Variants in CTNNA2 observed in about 807,000 individuals in gnomAD.
CTNNA2 encodes the protein catenin alpha-2.
In CTNNA2, 42 loss-of-function variants were observed where a neutral mutation model predicts 101.0. The ratio of observed to expected loss-of-function variants is 0.42; its 90% CI spans 0.32 to 0.54. The LOEUF is 0.54. Among genes scored for constraint, CTNNA2 ranks in the 20% least tolerant of loss-of-function variants. CTNNA2 has a pLI of 0.14. For synonymous variants in CTNNA2, 450 were observed against 456.4 expected (o/e 0.99, Z 0.18); for missense variants, 871 against 1,223.1 (o/e 0.71, Z 4.29).
intron 12 of CTNNA2, among the ~76,000 whole-genome samples, chr2:80,564,880 A>G (rs1292103263): frequency 6.6e-6 from 1 of 152,190 alleles, no homozygotes; most frequent in Non-Finnish European, 1.5e-5. Flanking sequence ...TTCGAACCTG[A>G]TGTCTCAAGA....
At chr2:79,550,938 T>G (rs997650080) in intron 1 of CTNNA2, among the ~76,000 whole-genome samples, 1 of 152,206 alleles carries the variant, frequency 6.6e-6, no homozygotes, top group Non-Finnish European at 1.5e-5. Flanking sequence ...AACCACAGGT[T>G]CATCACCGAA....
intron 7 of CTNNA2, among the ~76,000 whole-genome samples, chr2:80,125,698 C>T (rs1702071610): frequency 6.6e-6 from 1 of 152,116 alleles, no homozygotes; most frequent in African/African-American, 2.4e-5. Context: ...GAGATGAAAC[C>T]CATTTGCCAT....
intron 9 of CTNNA2, among the ~76,000 whole-genome samples, chr2:80,444,242 T>C (rs1682869128): frequency 6.6e-6 from 1 of 152,156 alleles, no homozygotes; most frequent in Non-Finnish European, 1.5e-5. Flanking sequence ...GAGCACTGCA[T>C]TCACAAGAGG....
rs192226969 is a variant in CTNNA2, at chr2:80,546,233, G to A, written c.1540+170G>A. Among the ~76,000 whole-genome samples, 13 of 152,234 alleles carry A rather than the reference G, an allele frequency of 8.5e-5. No homozygotes were observed. The East Asian group carries it at 2.5e-3, about 29-fold the overall frequency. On this transcript the variant is annotated intron_variant, in intron 11 of 18. Transcript: ENST00000402739. ...ATTATAACACCCTCTTAGATGCTTC[G>A]GTGTTTATGTTATTTCAAGACACGG... is the stretch of plus-strand genomic sequence containing the variant.
At chr2:79,541,938 T>A (rs947965441) in intron 1 of CTNNA2, among the ~76,000 whole-genome samples, 1 of 152,138 alleles carries the variant, frequency 6.6e-6, no homozygotes, top group Non-Finnish European at 1.5e-5. Context: ...GTCTTCATAA[T>A]TTTTATGGAA....
chr2:80,646,671 T>A (rs896241034), intron 18 of CTNNA2, among the ~76,000 whole-genome samples: 2 of 151,844 alleles, frequency 1.3e-5, no homozygotes, highest in Admixed American at 6.6e-5. Context: ...CATACCACAC[T>A]AACTACTTAA....
At chr2:80,548,747 C>T (rs549266329) in intron 11 of CTNNA2, among the ~76,000 whole-genome samples, 26 of 152,298 alleles carry the variant, frequency 1.7e-4, no homozygotes, top group African/African-American at 6.3e-4. Context: ...ATACAGCCCA[C>T]TCTGTCCTGC....
At chr2:80,121,827 C>T (rs571137059) in intron 7 of CTNNA2, among the ~76,000 whole-genome samples, 3 of 152,168 alleles carry the variant, frequency 2.0e-5, no homozygotes, top group East Asian at 1.9e-4. Flanking sequence ...AAACCTGGTC[C>T]GATGGGAAAT....
chr2:79,905,870 T>A (rs71337758), intron 6 of CTNNA2, among the ~76,000 whole-genome samples: 4 of 152,176 alleles, frequency 2.6e-5, no homozygotes, highest in African/African-American at 9.7e-5. Flanking sequence ...TTCTTTTCAC[T>A]TTTTCATTCT....
chr2:79,549,908 G>A (rs1673983672), intron 1 of CTNNA2, among the ~76,000 whole-genome samples: 1 of 152,146 alleles, frequency 6.6e-6, no homozygotes, highest in Admixed American at 6.5e-5. Context: ...TAAGATGAAA[G>A]AGCCAAACCG....
chr2:79,592,430 C>G (rs1319938755), intron 1 of CTNNA2, among the ~76,000 whole-genome samples: 1 of 152,108 alleles, frequency 6.6e-6, no homozygotes, highest in African/African-American at 2.4e-5. Context: ...CCATGCCTGG[C>G]CGATTAATTA....
intron 14 of CTNNA2, among the ~76,000 whole-genome samples, chr2:80,583,864 GT>G (rs982206225): frequency 1.3e-5 from 2 of 152,066 alleles, no homozygotes; most frequent in African/African-American, 2.4e-5. Flanking sequence ...TTTTCTGAGA[GT>G]TTTTTTCAGC....
At chr2:79,310,647 A>AT (rs958615769) in intron 2 of CTNNA2, among the ~76,000 whole-genome samples, 3 of 152,164 alleles carry the variant, frequency 2.0e-5, no homozygotes, top group South Asian at 2.1e-4. Context: ...AACTAAAAGG[A>AT]TTTTTTTCTC....
intron 7 of CTNNA2, among the ~76,000 whole-genome samples, chr2:80,054,578 C>T (rs765001157): frequency 5.5e-4 from 84 of 152,282 alleles, no homozygotes; most frequent in Admixed American, 1.8e-3. Context: ...TTCTGGAGCA[C>T]AGCCAAGTCT....
chr2:79,869,712 C>G, intron 4 of CTNNA2, 104 bp from the exon 5 acceptor site: 2 of 1,412,412 alleles, frequency 1.4e-6, no homozygotes, highest in Non-Finnish European at 1.9e-6. Context: ...CATGTTAACA[C>G]ATACTAGTGT....
chr2:80,486,738 C>A (rs1206243288), intron 9 of CTNNA2, among the ~76,000 whole-genome samples: 1 of 151,878 alleles, frequency 6.6e-6, no homozygotes, highest in Non-Finnish European at 1.5e-5. Context: ...TCCTATTTAC[C>A]CTTTGTCCAA....
chr2:79,482,349 C>CT (rs904850170), intron 4 of CTNNA2, among the ~76,000 whole-genome samples: 3 of 152,132 alleles, frequency 2.0e-5, no homozygotes, highest in Non-Finnish European at 4.4e-5. Context: ...ATGAAGGGTG[C>CT]TTTCTCCTGA....
intron 9 of CTNNA2, among the ~76,000 whole-genome samples, chr2:80,447,172 G>A (rs1683139592): frequency 6.6e-6 from 1 of 152,132 alleles, no homozygotes; most frequent in South Asian, 2.1e-4. Flanking sequence ...AGAAGGGAAT[G>A]ATTAGTAGTC....
chr2:79,672,629 C>A (rs1184267675), intron 2 of CTNNA2, among the ~76,000 whole-genome samples: 2 of 151,316 alleles, frequency 1.3e-5, no homozygotes, highest in Admixed American at 1.3e-4. Flanking sequence ...ATCAAAAAAA[C>A]TTAGAAAATA....
Sources: gnomAD v4.1 joint callset for allele counts (sites outside exome capture counted in the v4.1 genomes callset) on GRCh38, gnomAD v4.1.1 for gene constraint, MANE v1.5 for transcripts, NCBI Gene and HGNC (gene_info 2026-07-23, HGNC 2026-07-21) for gene names.